The following PLEC variants were observed in gnomAD, a reference collection of about 807,000 sequenced individuals.
The protein encoded by PLEC is hemidesmosomal protein 1.
PLEC carries 216 observed loss-of-function variants against 392.8 expected under a neutral mutation model. That is an observed-to-expected ratio of 0.55 (90% CI 0.49 to 0.62). PLEC has a LOEUF of 0.62. PLEC is among the 20% of genes least tolerant of loss of function. PLEC has a pLI of 0.00. For missense variants in PLEC, 6,863 were observed against 6,563.4 expected (o/e 1.05, Z -1.58); for synonymous variants, 3,621 against 2,980.6 (o/e 1.21, Z -7.00).
intron 18 of PLEC, 125 bp from the exon 19 acceptor site, chr8:143,931,784 G>A: frequency 6.7e-7 from 1 of 1,498,934 alleles, no homozygotes; most frequent in South Asian, 1.2e-5. Context: ...GGAGGCCTGG[G>A]GAGCACCCCT....
In PLEC at chr8:143,926,824, T is replaced by C. The variant is rs1203729924; in HGVS notation, c.4004A>G (p.Lys1335Arg). Reference sequence around the variant, plus strand: ...GCGCCGCAGAGTCTCGCTGATGAACTTGATGTACTGGCTCGTCAGTGTGGT... The same window carrying C: ...GCGCCGCAGAGTCTCGCTGATGAACCTGATGTACTGGCTCGTCAGTGTGGT... Reference protein sequence around the residue: ...ELTTLTSQYIKFISETLRRME... With the variant: ...ELTTLTSQYIRFISETLRRME... Residue 1335 changes from lysine to arginine, a missense_variant, in exon 30 of 32, where the codon AAG becomes AGG. Transcript: ENST00000345136. 6.2e-7 allele frequency: 1 copy of C among 1,613,764 alleles called. No homozygotes were observed. The highest frequency in any genetic ancestry group is 8.5e-7 in the Non-Finnish European group (1 of 1,179,986).
At chr8:143,966,239 T>A (rs767077102) in intron 1 of PLEC, among the ~76,000 whole-genome samples, 231 of 152,286 alleles carry the variant, frequency 1.5e-3, no homozygotes, top group Non-Finnish European at 2.7e-3. Context: ...TGCCCACTGC[T>A]CTGCTTCCCG....
In PLEC at chr8:143,921,948, T is replaced by A; in HGVS notation, c.7873A>T (p.Thr2625Ser). Residue 2625 changes from threonine to serine, a missense_variant, in exon 32 of 32, where the codon ACC becomes TCC. Physicochemically the swap from Thr to Ser is moderately conservative, Grantham distance 58 (BLOSUM62 1). Transcript: ENST00000345136. Reference sequence around the variant, plus strand: ...AGTGCATCCCGGCCATTGGGCAGGGTCTTTGTGGCAGCCACCTGCGAGGCA... The same window carrying A: ...AGTGCATCCCGGCCATTGGGCAGGGACTTTGTGGCAGCCACCTGCGAGGCA... ...VTASQVAATK[T>S]LPNGRDALDG... The A allele has an allele frequency of 1.3e-5, 21 of 1,599,078 alleles. No homozygotes were observed. Among genetic ancestry groups the A allele is most frequent in the Non-Finnish European group, 1.8e-5 (21 of 1,179,784 alleles).
Position 143,934,664 on chromosome 8 carries a change from T to C in PLEC, c.1012A>G (p.Arg338Gly), listed in dbSNP as rs1554721176. 6.2e-7 allele frequency: 1 copy of C among 1,613,186 alleles called. No homozygotes were observed. The highest frequency in any genetic ancestry group is 1.7e-5 in the Admixed American group (1 of 60,028). Residue 338 changes from arginine to glycine, a missense_variant, in exon 10 of 32, where the codon AGG (arginine) becomes GGG (glycine). By Grantham distance (125) the Arg-to-Gly change is moderately radical. Transcript: ENST00000345136. ...AGGGATTGGTAGATGCCCTTGGACC[T>C]GTTCTTGTCGGCCTCCTTGGCTGGT... The part of the protein sequence containing the change: ...ELPAKEADKN[R>G]SKGIYQSLEG...
Position 143,924,697 on chromosome 8 carries a change from A to G in PLEC, c.5232T>C (p.Ala1744=), listed in dbSNP as rs1554698692. The G allele has an allele frequency of 3.3e-6, 5 of 1,532,722 alleles. No homozygotes were observed. The Admixed American group carries it at 9.9e-5, about 30-fold the overall frequency. 94.9% of individuals were successfully genotyped at this position (1,532,722 alleles called of 1,614,324 possible). A position where few individuals can be genotyped will look rare whatever the true frequency, so the allele number is the denominator to read the frequency against. ...GCTCCTGCCGTTTCTGCGTGGCTGC[A>G]GCCGCCTCACGCTGCAGCCGGGCCA... The part of the protein sequence containing the change: ...EELARLQREA[A]AATQKRQELE... Residue 1744 remains alanine (A), a synonymous_variant, in exon 31 of 32, where the codon GCT becomes GCC. Transcript: ENST00000345136.
upstream of PLEC, chr8:143,943,706 G>A (rs1830921538): frequency 5.1e-6 from 7 of 1,383,286 alleles, no homozygotes; most frequent in South Asian, 7.2e-5. Context: ...GAGGGCGCAG[G>A]GAATGAAGGG....
Position 143,925,511 on chromosome 8 carries a change from C to G in PLEC, c.4418G>C (p.Gly1473Ala). 1 of 1,595,726 alleles carries G rather than the reference C, an allele frequency of 6.3e-7. No individual in the cohort carries two copies. The highest frequency in any genetic ancestry group is 1.1e-5 in the South Asian group (1 of 90,828). Residue 1473 changes from glycine to alanine, a missense_variant, in exon 31 of 32, where the codon GGG becomes GCG. By Grantham distance (60) the Gly-to-Ala change is moderately conservative. Transcript: ENST00000345136. ...CCGTGCACGCAGTGCCTGCAGCTCC[C>G]CCTCAGCCCCGCCACGCTGGCGCTC... The part of the protein sequence containing the change: ...ATERQRGGAE[G>A]ELQALRARAE...
intron 1 of PLEC, among the ~76,000 whole-genome samples, chr8:143,968,256 C>T (rs1833218134): frequency 6.6e-6 from 1 of 151,642 alleles, no homozygotes; most frequent in Non-Finnish European, 1.5e-5. Context: ...GATAGATAAA[C>T]TGGAGTCATA....
chr8:143,924,081 G>C lies in PLEC; in HGVS notation c.5848C>G (p.Arg1950Gly), dbSNP rs566539439. The change falls in exon 31 of 32, where the codon CGC becomes GGC. Residue 1950 changes from arginine (R) to glycine (G), a missense_variant. By Grantham distance (125) the Arg-to-Gly change is moderately radical. Coordinates refer to ENST00000345136, the MANE Select transcript of PLEC (RefSeq NM_201384.3). ...GKAELELELGRIRSNAEDTLR... is the reference protein window; with the variant it reads ...GKAELELELGGIRSNAEDTLR... ...GTGTCCTCCGCGTTGCTGCGGATGC[G>C]TCCCAGCTCCAGCTCCAGCTCCGCC... 6.3e-7 allele frequency: 1 copy of C among 1,598,138 alleles called. No individual in the cohort carries two copies. Among genetic ancestry groups the C allele is most frequent in the East Asian group, 2.2e-5 (1 of 44,740 alleles).
At position 143,931,523 on chromosome 8, in the gene PLEC, C is replaced by T. The variant is rs947336572; in HGVS notation, c.2304+11G>A. The T allele has an allele frequency of 6.3e-7, 1 of 1,581,406 alleles. No individual in the cohort carries two copies. The highest frequency in any genetic ancestry group is 2.3e-5 in the East Asian group (1 of 43,148). On this transcript the variant is annotated intron_variant, in intron 19 of 31. Coordinates refer to ENST00000345136, the MANE Select transcript of PLEC (RefSeq NM_201384.3). ...CCCTCCTGACACGCCCCTGCACACCCCCTCCCTCACCTGGGCATCCTGCAG... is the reference window on the plus strand; with the variant it reads ...CCCTCCTGACACGCCCCTGCACACCTCCTCCCTCACCTGGGCATCCTGCAG...
Position 143,916,565 on chromosome 8 carries a change from G to C in PLEC, c.13256C>G (p.Ala4419Gly). 1 of 1,611,648 alleles carries C rather than the reference G, an allele frequency of 6.2e-7. No homozygotes were observed. Among genetic ancestry groups the C allele is most frequent in the Non-Finnish European group, 8.5e-7 (1 of 1,179,546 alleles). ...DEALQRGTVDARTAQKLRDVG... is the reference protein window; with the variant it reads ...DEALQRGTVDGRTAQKLRDVG... ...GTCACGCAGCTTCTGTGCGGTGCGG[G>C]CGTCCACCGTGCCGCGCTGCAGGGC... The change falls in exon 32 of 32, where the codon GCC (alanine) becomes GGC (glycine). Residue 4419 changes from alanine (A) to glycine (G), a missense_variant. Coordinates refer to ENST00000345136, the MANE Select transcript of PLEC (RefSeq NM_201384.3).
Position 143,919,219 on chromosome 8 carries a change from G to A in PLEC, c.10602C>T (p.Pro3534=), listed in dbSNP as rs782052487. The part of the protein sequence containing the change: ...RQLLERCVED[P]ETGLRLLPLK... ...GTGGCAGAAGGCGCAAGCCCGTCTC[G>A]GGGTCCTCCACGCACCGCTCCAGCA... The change falls in exon 32 of 32, where the codon CCC becomes CCT. Residue 3534 remains proline, a synonymous_variant. Transcript: ENST00000345136. 89 of 1,613,718 alleles carry A rather than the reference G, an allele frequency of 5.5e-5. No homozygotes were observed. The East Asian group carries it at 7.8e-4, about 14-fold the overall frequency.
At position 143,929,549 on chromosome 8, in the gene PLEC, G is replaced by A. The variant is rs782443638; in HGVS notation, c.2946C>T (p.Cys982=). ...CTTTGAGCTCGGAGATGCAGCGCTG[G>A]CAGCGAGACTCTTCCTGTGCACCTG... ...LEQGAQEESR[C]QRCISELKDI... Residue 982 remains cysteine (C), a synonymous_variant, in exon 24 of 32, where the codon TGC becomes TGT. Transcript: ENST00000345136. 1.2e-6 allele frequency: 2 copies of A among 1,612,562 alleles called. No individual in the cohort carries two copies. The highest frequency in any genetic ancestry group is 8.5e-7 in the Non-Finnish European group (1 of 1,179,910).
Position 143,921,437 on chromosome 8 carries a change from C to T in PLEC, c.8384G>A (p.Gly2795Asp), listed in dbSNP as rs782632583. The change falls in exon 32 of 32, where the codon GGC (glycine) becomes GAC (aspartate). Residue 2795 changes from glycine (G) to aspartate (D), a missense_variant. Physicochemically the swap from Gly to Asp is moderately conservative, Grantham distance 94 (BLOSUM62 -1). Coordinates refer to ENST00000345136, the MANE Select transcript of PLEC (RefSeq NM_201384.3). The part of the protein sequence containing the change: ...QISLFQAMQK[G>D]LIVREHGIRL... ...GATGCCGTGCTCCCGGACGATGAGG[C>T]CCTTCTGCATGGCTTGGAAGAGAGA... 15 of 1,613,424 alleles carry T rather than the reference C, an allele frequency of 9.3e-6. No individual in the cohort carries two copies. The highest frequency in any genetic ancestry group is 6.7e-5 in the African/African-American group (5 of 75,046).
At position 143,935,946 on chromosome 8, in the gene PLEC, C is replaced by T. The variant is rs1554722921; in HGVS notation, c.504G>A (p.Ser168=). 3.7e-6 allele frequency: 6 copies of T among 1,612,918 alleles called. No individual in the cohort carries two copies. The highest frequency in any genetic ancestry group is 3.3e-5 in the Admixed American group (2 of 60,026). ...CCTGGTACCCCTCCACCATTCGCTG[C>T]GACCACAGCAGCAGCTTCTCCTTGG... ...MTAKEKLLLW[S]QRMVEGYQGL... Residue 168 remains serine, a synonymous_variant, in exon 6 of 32, where the codon TCG becomes TCA. Coordinates refer to ENST00000345136, the MANE Select transcript of PLEC (RefSeq NM_201384.3).
chr8:143,938,482 G>A (rs953556357), intron 2 of PLEC, 149 bp downstream of exon 2: 4 of 1,546,226 alleles, frequency 2.6e-6, no homozygotes, highest in Non-Finnish European at 2.6e-6. Flanking sequence ...CAGGCGTAGG[G>A]AAGAAAGAGG....
intron 25 of PLEC, among the ~76,000 whole-genome samples, chr8:143,928,354 C>T (rs1031751000): frequency 2.6e-5 from 4 of 152,256 alleles, no homozygotes; most frequent in African/African-American, 7.2e-5. Flanking sequence ...CAAGACTGGG[C>T]GAAGGGGACA....
At chr8:143,933,406 G>A (rs1458086814) in intron 12 of PLEC, 55 bp from the exon 13 acceptor site, 6 of 1,599,790 alleles carry the variant, frequency 3.8e-6, no homozygotes, top group Non-Finnish European at 5.1e-6. Context: ...TGACCTCACA[G>A]GGGCCCCGGC....
intron 5 of PLEC, among the ~76,000 whole-genome samples, chr8:143,936,420 C>A (rs1829070792): frequency 6.6e-6 from 1 of 152,254 alleles, no homozygotes; most frequent in African/African-American, 2.4e-5. Context: ...GGCCCAGAAC[C>A]CCCAGGCCTG....
Sources: gnomAD v4.1 joint callset for allele counts (sites outside exome capture counted in the v4.1 genomes callset) on GRCh38, gnomAD v4.1.1 for gene constraint, MANE v1.5 for transcripts, NCBI Gene and HGNC (gene_info 2026-07-23, HGNC 2026-07-21) for gene names.